Variants in CTNNA2 observed in about 807,000 individuals in gnomAD.
CTNNA2 encodes catenin alpha 2, also known as catenin alpha-2.
In CTNNA2, 42 loss-of-function variants were observed where a neutral mutation model predicts 101.0. That is an observed-to-expected ratio of 0.42 (90% CI 0.32 to 0.54). The LOEUF (loss-of-function observed/expected upper bound fraction) is 0.54, where lower values mean the gene tolerates loss of function less well. Ranked by LOEUF, CTNNA2 falls within the 20% of genes least tolerant of loss-of-function variation. The pLI, the probability that CTNNA2 is intolerant of heterozygous loss-of-function variation, is 0.14. For missense variants in CTNNA2, 871 were observed against 1,223.1 expected (o/e 0.71, Z 4.29); for synonymous variants, 450 against 456.4 (o/e 0.99, Z 0.18).
At chr2:80,084,143 G>A (rs1219143487) in intron 7 of CTNNA2, among the ~76,000 whole-genome samples, 1 of 152,116 alleles carries the variant, frequency 6.6e-6, no homozygotes, top group African/African-American at 2.4e-5. Flanking sequence ...CCCTTAATCT[G>A]TTGTTTGTAA....
chr2:79,768,280 G>A (rs989949239), intron 3 of CTNNA2, among the ~76,000 whole-genome samples: 1 of 151,364 alleles, frequency 6.6e-6, no homozygotes, highest in Non-Finnish European at 1.5e-5. Context: ...AGTGATCCAG[G>A]AGTTTTCTGT....
At position 79,333,200 on chromosome 2, in the gene CTNNA2, C is replaced by A. The variant is rs571453994; in HGVS notation, c.-318+20404C>A. On this transcript the variant is annotated intron_variant, in intron 3 of 21. Coordinates refer to the CTNNA2 transcript ENST00000466387. The stretch of plus-strand genomic sequence containing the variant: ...GATAATAAGACATATTCAAGCAACA[C>A]CATCTACACATAATAGCTTTTTCTG... Among the ~76,000 whole-genome samples the A allele has an allele frequency of 3.3e-5, 5 of 150,506 alleles. No individual in the cohort carries two copies. The South Asian group carries it at 1.1e-3, about 32-fold the overall frequency.
chr2:79,648,462 G>A (rs1680983869), intron 1 of CTNNA2, among the ~76,000 whole-genome samples: 1 of 152,040 alleles, frequency 6.6e-6, no homozygotes. Flanking sequence ...ATTTTTTAAG[G>A]AAAATGTTCC....
At chr2:79,471,457 T>G (rs1670997822) in intron 4 of CTNNA2, among the ~76,000 whole-genome samples, 1 of 152,180 alleles carries the variant, frequency 6.6e-6, no homozygotes, top group Non-Finnish European at 1.5e-5. Flanking sequence ...AGGGCTCTCA[T>G]GGCTCCCTTA....
At chr2:80,636,065 T>C (rs1475674123) in intron 18 of CTNNA2, among the ~76,000 whole-genome samples, 5 of 151,062 alleles carry the variant, frequency 3.3e-5, no homozygotes, top group African/African-American at 1.2e-4. Context: ...TAACCTTGGA[T>C]TTGTTCTTTG....
At chr2:79,675,678 C>T (rs928120361) in intron 2 of CTNNA2, among the ~76,000 whole-genome samples, 11 of 151,992 alleles carry the variant, frequency 7.2e-5, no homozygotes, top group African/African-American at 2.4e-4. Flanking sequence ...ATAAAAACAC[C>T]GAATGGAAGT....
chr2:79,592,791 T>G (rs1676946752), intron 1 of CTNNA2, among the ~76,000 whole-genome samples: 1 of 152,228 alleles, frequency 6.6e-6, no homozygotes, highest in Admixed American at 6.5e-5. Flanking sequence ...GATATGCATA[T>G]GATCTGACTC....
chr2:80,578,080 G>A (rs375693790), intron 13 of CTNNA2, among the ~76,000 whole-genome samples: 185 of 152,268 alleles, frequency 1.2e-3, no homozygotes, highest in African/African-American at 4.4e-3. Context: ...GTCCTGTTTT[G>A]CAACTGACAT....
At chr2:79,295,266 C>T (rs1449971317) in intron 2 of CTNNA2, among the ~76,000 whole-genome samples, 1 of 152,126 alleles carries the variant, frequency 6.6e-6, no homozygotes, top group African/African-American at 2.4e-5. Context: ...TGAGAAGAAA[C>T]CCTGCCATGT....
intron 15 of CTNNA2, among the ~76,000 whole-genome samples, chr2:80,594,432 A>G (rs1208984589): frequency 6.6e-6 from 1 of 152,046 alleles, no homozygotes; most frequent in Non-Finnish European, 1.5e-5. Context: ...ATAAAGAATT[A>G]CTATTTTCTC....
At chr2:79,336,137 G>C (rs1226752432) in intron 3 of CTNNA2, among the ~76,000 whole-genome samples, 1 of 152,152 alleles carries the variant, frequency 6.6e-6, no homozygotes, top group Non-Finnish European at 1.5e-5. Flanking sequence ...ATTAGGATTG[G>C]TGCATAGCCT....
chr2:80,015,456 A>G (rs1467794718), intron 7 of CTNNA2, among the ~76,000 whole-genome samples: 1 of 152,128 alleles, frequency 6.6e-6, no homozygotes, highest in African/African-American at 2.4e-5. Flanking sequence ...GTCACCCTGA[A>G]GCGCTCTCTG....
intron 4 of CTNNA2, among the ~76,000 whole-genome samples, chr2:79,406,429 C>G (rs1422587550): frequency 6.6e-6 from 1 of 152,028 alleles, no homozygotes; most frequent in Non-Finnish European, 1.5e-5. Context: ...CCACAATGGG[C>G]ATGAGAGAAA....
chr2:80,580,830 C>A (rs978561860), intron 13 of CTNNA2, among the ~76,000 whole-genome samples: 1 of 152,082 alleles, frequency 6.6e-6, no homozygotes, highest in Non-Finnish European at 1.5e-5. Flanking sequence ...GCCTGGCCAA[C>A]GTGGTGAAAC....
intron 7 of CTNNA2, among the ~76,000 whole-genome samples, chr2:80,014,052 T>C (rs1693966351): frequency 6.6e-6 from 1 of 152,194 alleles, no homozygotes; most frequent in Non-Finnish European, 1.5e-5. Flanking sequence ...AGTCTAAAAT[T>C]TTCTACCATA....
At position 79,958,785 on chromosome 2, in the gene CTNNA2, CT is replaced by C. The variant is rs199625095; in HGVS notation, c.1056+48992del. Among the ~76,000 whole-genome samples the C allele has an allele frequency of 5.0e-3, 734 of 147,212 alleles. 23 individuals are homozygous for C. In the East Asian group the frequency reaches 0.077, roughly 15 times the overall value. On this transcript the variant is annotated intron_variant, in intron 7 of 18. Transcript: ENST00000402739. ...TGAAACATTGATCTCATTTTTTTTT[CT>C]TTTCATAAGATTGGCCCTATCATTC...
chr2:80,579,678 A>T (rs1695360141), intron 13 of CTNNA2, among the ~76,000 whole-genome samples: 1 of 152,210 alleles, frequency 6.6e-6, no homozygotes, highest in South Asian at 2.1e-4. Context: ...GTGAATGTTA[A>T]TAAGGTTGAT....
chr2:80,492,062 C>G (rs140292679), intron 9 of CTNNA2, among the ~76,000 whole-genome samples: 1 of 152,078 alleles, frequency 6.6e-6, no homozygotes, highest in South Asian at 2.1e-4. Flanking sequence ...ATTTGTGTCC[C>G]CACCCAAATC....
chr2:79,250,903 T>C (rs1227944154), intron 2 of CTNNA2, among the ~76,000 whole-genome samples: 1 of 152,222 alleles, frequency 6.6e-6, no homozygotes, highest in Non-Finnish European at 1.5e-5. Context: ...CCAATGTGTG[T>C]AGACGTTGCT....
Sources: gnomAD v4.1 joint callset for allele counts (sites outside exome capture counted in the v4.1 genomes callset) on GRCh38, gnomAD v4.1.1 for gene constraint, MANE v1.5 for transcripts, NCBI Gene and HGNC (gene_info 2026-07-23, HGNC 2026-07-21) for gene names.